The following LRRCC1 variants were observed in gnomAD, a reference collection of about 807,000 sequenced individuals.
The protein encoded by LRRCC1 is leucine-rich repeat and coiled-coil domain-containing protein 1.
A neutral mutation model predicts 126.0 loss-of-function variants in LRRCC1; 115 were observed. That is an observed-to-expected ratio of 0.91 (90% CI 0.78 to 1.07). LRRCC1 has a LOEUF of 1.07. Ranked by LOEUF, LRRCC1 falls within the 50% of genes least tolerant of loss-of-function variation. LRRCC1 has a pLI of 0.00. For synonymous variants in LRRCC1, 400 were observed against 393.4 expected, an observed-to-expected ratio of 1.02 and a Z score of -0.20; for missense variants, 1,172 against 1,175.7, an observed-to-expected ratio of 1.00 and a Z score of 0.05.
intron 3 of LRRCC1, among the ~76,000 whole-genome samples, chr8:85,111,964 G>A (rs1808760136): frequency 6.6e-6 from 1 of 151,740 alleles, no homozygotes; most frequent in Non-Finnish European, 1.5e-5. Flanking sequence ...CTGGGTTCCA[G>A]CGATTCTCCT....
intron 14 of LRRCC1, among the ~76,000 whole-genome samples, chr8:85,137,025 C>T (rs562339431): frequency 5.3e-5 from 8 of 152,252 alleles, no homozygotes; most frequent in African/African-American, 1.9e-4. Flanking sequence ...CAGGGTTTCA[C>T]CATGTTGGCC....
In LRRCC1 at chr8:85,129,174, G is replaced by C. The variant is rs1810245854; in HGVS notation, c.1422-1G>C. ...AACACCACATATAACTTCTGCTTTA[G>C]GCTAAAGGAAATTATTTTTAGAGAG... On this transcript the variant is annotated splice_acceptor_variant, in intron 9 of 18. Transcript: ENST00000360375. LOFTEE classifies it high-confidence loss of function. 6.2e-7 allele frequency: 1 copy of C among 1,600,702 alleles called. No individual in the cohort carries two copies. Among genetic ancestry groups the C allele is most frequent in the South Asian group, 1.1e-5 (1 of 89,354 alleles).
intron 18 of LRRCC1, among the ~76,000 whole-genome samples, chr8:85,144,442 G>A (rs868446509): frequency 0.026 from 2,776 of 106,344 alleles, 46 homozygotes; most frequent in East Asian, 0.083. Flanking sequence ...GTGTGTGTGT[G>A]TGTATATATA....
intron 14 of LRRCC1, among the ~76,000 whole-genome samples, chr8:85,136,314 G>T (rs1587436225): frequency 6.6e-6 from 1 of 150,640 alleles, no homozygotes; most frequent in Non-Finnish European, 1.5e-5. Context: ...TGCTCTCGTT[G>T]CCCAGGCTGG....
chr8:85,129,432 T>C, intron 10 of LRRCC1, 53 bp downstream of exon 10: 1 of 1,433,864 alleles, frequency 7.0e-7, no homozygotes, highest in African/African-American at 1.4e-5. Context: ...AATTCATAGC[T>C]TCTATCGTGA....
At chr8:85,129,682 C>G (rs1810300504) in intron 10 of LRRCC1, among the ~76,000 whole-genome samples, 2 of 152,176 alleles carry the variant, frequency 1.3e-5, no homozygotes, top group East Asian at 1.9e-4. Context: ...CATTTTCATG[C>G]TTTCTGAATG....
In LRRCC1 at chr8:85,124,762, G is replaced by T. The variant is rs1261207723; in HGVS notation, c.1125-30G>T. The T allele has an allele frequency of 7.1e-6, 10 of 1,415,824 alleles. No homozygotes were observed. In the Admixed American group the frequency reaches 9.7e-5, roughly 14 times the overall value. The allele number at this position is 1,415,824 out of a possible 1,614,324, so 87.7% of individuals were successfully genotyped here. A position where few individuals can be genotyped will look rare whatever the true frequency, so the allele number is the denominator to read the frequency against. On this transcript the variant is annotated intron_variant, in intron 7 of 18. Coordinates refer to ENST00000360375, the MANE Select transcript of LRRCC1 (RefSeq NM_033402.5). ...AAAGTAATGTGAACACTACTTTTTTGAGTTATTTTCTATGTTTCATTCTTT... is the reference window on the plus strand; with the variant it reads ...AAAGTAATGTGAACACTACTTTTTTTAGTTATTTTCTATGTTTCATTCTTT...
At chr8:85,144,452 A>G (rs1263019752) in intron 18 of LRRCC1, among the ~76,000 whole-genome samples, 1 of 96,384 alleles carries the variant, frequency 1.0e-5, no homozygotes, top group Non-Finnish European at 2.1e-5. Context: ...GTGTATATAT[A>G]TATATATATA....
At chr8:85,107,769 CG>C (rs1808367360) in intron 1 of LRRCC1, 1 of 166,364 alleles carries the variant, frequency 6.0e-6, no homozygotes, top group African/African-American at 2.4e-5. Flanking sequence ...CGTGTTCTCT[CG>C]TCTTTCCTGT....
Position 85,134,900 on chromosome 8 carries a change from TCTTATTTGGG to T in LRRCC1, c.2025_2034del (p.Ile676AsnfsTer10). On this transcript the variant is annotated frameshift_variant, in exon 13 of 19. Transcript: ENST00000360375. LOFTEE classifies it high-confidence loss of function. ...CTGAGTTAGCAAAGAGCAAACATGCTCTTATTTGGGCTCAACGAAAAGAAAATGAGTCTTC... is the reference window on the plus strand; with the variant it reads ...CTGAGTTAGCAAAGAGCAAACATGCTCTCAACGAAAAGAAAATGAGTCTTC... 6.3e-7 allele frequency: 1 copy of T among 1,595,516 alleles called. No individual in the cohort carries two copies. The highest frequency in any genetic ancestry group is 1.9e-5 in the Admixed American group (1 of 53,612).
chr8:85,119,503 T>C (rs1809362875), intron 6 of LRRCC1, among the ~76,000 whole-genome samples: 1 of 151,950 alleles, frequency 6.6e-6, no homozygotes, highest in Admixed American at 6.6e-5. Flanking sequence ...GCACTTTTTT[T>C]TTTTTTTTAA....
Position 85,116,353 on chromosome 8 carries a change from A to C in LRRCC1, c.930+769A>C, listed in dbSNP as rs533770591. ...AGTCATATGTTAGTTCAACTTAAAA[A>C]TTTTTAACTAAGTTATTGTTACTAA... On this transcript the variant is annotated intron_variant, in intron 6 of 18. Coordinates refer to ENST00000360375, the MANE Select transcript of LRRCC1 (RefSeq NM_033402.5). Among the ~76,000 whole-genome samples the C allele has an allele frequency of 4.6e-5, 7 of 152,194 alleles. No homozygotes were observed. In the East Asian group the frequency reaches 1.3e-3, roughly 29 times the overall value.
chr8:85,144,474 A>T (rs1392632251), intron 18 of LRRCC1, among the ~76,000 whole-genome samples: 11,312 of 46,694 alleles, frequency 0.24, 1,082 homozygotes, highest in African/African-American at 0.45. Flanking sequence ...ATATATATAT[A>T]TTTTTTTTTT....
Position 85,107,279 on chromosome 8 carries a change from T to A in LRRCC1, c.-17T>A, listed in dbSNP as rs1563923123. 3 of 1,603,010 alleles carry A rather than the reference T, an allele frequency of 1.9e-6. No individual in the cohort carries two copies. Among genetic ancestry groups the A allele is most frequent in the Non-Finnish European group, 2.6e-6 (3 of 1,174,472 alleles). ...CGCTGGGTGCCGGTTAAGACCCCGC[T>A]CCCCGTCGCCAGTGCTATGGAGGCG... On this transcript the variant is annotated 5_prime_UTR_variant, in exon 1 of 19. Coordinates refer to ENST00000360375, the MANE Select transcript of LRRCC1 (RefSeq NM_033402.5).
intron 1 of LRRCC1, 49 bp downstream of exon 1, chr8:85,107,448 G>A (rs1308034109): frequency 1.3e-6 from 2 of 1,482,284 alleles, no homozygotes; most frequent in South Asian, 2.5e-5. Flanking sequence ...CCCCAGAGCC[G>A]GGGCCACGAG....
chr8:85,140,170 G>T (rs573240388), intron 17 of LRRCC1, among the ~76,000 whole-genome samples: 3 of 152,072 alleles, frequency 2.0e-5, no homozygotes, highest in South Asian at 2.1e-4. Context: ...ATATAAAAAT[G>T]CAGACCTGAT....
Position 85,141,500 on chromosome 8 carries a change from G to C in LRRCC1, c.2959G>C (p.Asp987His), listed in dbSNP as rs1200215164. Residue 987 changes from aspartate to histidine, a missense_variant, in exon 18 of 19, where the codon GAT (aspartate) becomes CAT (histidine). Transcript: ENST00000360375. The stretch of plus-strand genomic sequence containing the variant: ...GGCCAATGAAAAGCAGAAGTGTATT[G>C]ATTCTGCAAATTTAAAGGTATTGTA... ...QLANEKQKCIDSANLKVHQIE... is the reference protein window; with the variant it reads ...QLANEKQKCIHSANLKVHQIE... 4 of 1,608,548 alleles carry C rather than the reference G, an allele frequency of 2.5e-6. No individual in the cohort carries two copies. Among genetic ancestry groups the C allele is most frequent in the Non-Finnish European group, 3.4e-6 (4 of 1,176,668 alleles).
At chr8:85,143,494 C>T (rs984703959) in intron 18 of LRRCC1, among the ~76,000 whole-genome samples, 2 of 151,922 alleles carry the variant, frequency 1.3e-5, no homozygotes, top group African/African-American at 4.8e-5. Flanking sequence ...TGTTAATTAG[C>T]CTGGCATGGT....
chr8:85,125,028 A>T (rs959475962), intron 8 of LRRCC1, 89 bp downstream of exon 8: 3 of 931,472 alleles, frequency 3.2e-6, no homozygotes, highest in Non-Finnish European at 4.7e-6. Context: ...ATTAGCAAAA[A>T]GTGTTTGAAT....
Sources: gnomAD v4.1 joint callset for allele counts (sites outside exome capture counted in the v4.1 genomes callset) on GRCh38, gnomAD v4.1.1 for gene constraint, MANE v1.5 for transcripts, NCBI Gene and HGNC (gene_info 2026-07-23, HGNC 2026-07-21) for gene names.